DNM3: variants seen among roughly 807,000 people sequenced by gnomAD.
DNM3 encodes dynamin 3, also known as dynamin-3.
DNM3 carries 47 observed loss-of-function variants against 101.6 expected under a neutral mutation model. The ratio of observed to expected loss-of-function variants is 0.46; its 90% CI spans 0.37 to 0.59. The LOEUF (loss-of-function observed/expected upper bound fraction) is 0.59, where lower values mean the gene tolerates loss of function less well. Among genes scored for constraint, DNM3 ranks in the 20% least tolerant of loss-of-function variants. The pLI is 0.00. For missense variants in DNM3, 849 were observed against 1,085.7 expected, an observed-to-expected ratio of 0.78 and a Z score of 3.06; for synonymous variants, 385 against 387.9, an observed-to-expected ratio of 0.99 and a Z score of 0.09.
intron 14 of DNM3, chr1:172,144,824 G>C: frequency 1.2e-5 from 4 of 328,646 alleles, no homozygotes; most frequent in Non-Finnish European, 2.4e-5. Context: ...ATGAATTTAG[G>C]ACCAGGAAAA....
At position 172,153,315 on chromosome 1, in the gene DNM3, G is replaced by A. The variant is rs373399785; in HGVS notation, c.1659+22027G>A. Among the ~76,000 whole-genome samples, 310 of 152,228 alleles carry A rather than the reference G, an allele frequency of 2.0e-3. 1 individual carries two copies. The highest frequency in any genetic ancestry group is 7.2e-3 in the African/African-American group (297 of 41,538). ...GAGGATTGCCATGGCAATGCCTTAG[G>A]GAAAGTGGTTATGGTGTTGTAGCAA... On this transcript the variant is annotated intron_variant, in intron 14 of 20. Coordinates refer to ENST00000627582, the MANE Select transcript of DNM3 (RefSeq NM_015569.5).
intron 2 of DNM3, among the ~76,000 whole-genome samples, chr1:171,940,279 A>G (rs908557661): frequency 2.6e-5 from 4 of 152,168 alleles, no homozygotes; most frequent in African/African-American, 7.2e-5. Context: ...TTATTTTCCC[A>G]AAGTGTATTT....
intron 13 of DNM3, among the ~76,000 whole-genome samples, chr1:172,127,220 C>T (rs768813089): frequency 9.9e-5 from 15 of 151,924 alleles, no homozygotes; most frequent in Non-Finnish European, 1.8e-4. Flanking sequence ...CTGCTCCTCA[C>T]GAAGGACTTA....
intron 15 of DNM3, among the ~76,000 whole-genome samples, chr1:172,301,954 C>T (rs2064473566): frequency 6.6e-6 from 1 of 152,174 alleles, no homozygotes; most frequent in African/African-American, 2.4e-5. Flanking sequence ...CTGCAGCTCC[C>T]AGCGTGATCT....
At chr1:171,974,866 C>CTTTTTTTTTT (rs202081677) in intron 2 of DNM3, among the ~76,000 whole-genome samples, 3 of 149,494 alleles carry the variant, frequency 2.0e-5, no homozygotes, top group African/African-American at 7.4e-5. Context: ...TCTTCTTCTA[C>CTTTTTTTTTT]TGTTTTTTTT....
At chr1:172,343,851 C>T (rs2148965248) in intron 17 of DNM3, among the ~76,000 whole-genome samples, 1 of 152,286 alleles carries the variant, frequency 6.6e-6, no homozygotes, top group South Asian at 2.1e-4. Flanking sequence ...AACGGCTCAA[C>T]CAAACAGATA....
rs76449611 is a variant in DNM3 at position 172,020,089 on chromosome 1, A to G, written c.590-12313A>G. On this transcript the variant is annotated intron_variant, in intron 4 of 20. Coordinates refer to ENST00000627582, the MANE Select transcript of DNM3 (RefSeq NM_015569.5). Reference sequence around the variant, plus strand: ...CTGGGTGCTATATGATGTACTGGGTACAAGGCATTGTGGTTACTAAGCTAT... The same window carrying G: ...CTGGGTGCTATATGATGTACTGGGTGCAAGGCATTGTGGTTACTAAGCTAT... Among the ~76,000 whole-genome samples the G allele has an allele frequency of 6.2e-3, 947 of 152,162 alleles. 10 individuals are homozygous for G. The highest frequency in any genetic ancestry group is 6.6e-3 in the Non-Finnish European group (448 of 68,000).
At chr1:172,094,789 T>C (rs2054137692) in intron 13 of DNM3, among the ~76,000 whole-genome samples, 1 of 152,192 alleles carries the variant, frequency 6.6e-6, no homozygotes. Context: ...TTGGGAAAAT[T>C]AGAAGCTATG....
At chr1:171,907,493 G>GA (rs760340537) in intron 1 of DNM3, among the ~76,000 whole-genome samples, 3,021 of 130,686 alleles carry the variant, frequency 0.023, 91 homozygotes, top group African/African-American at 0.074. Context: ...CTCCGTCACA[G>GA]AAAAAAAAAA....
chr1:172,160,549 G>A (rs2058510771), intron 14 of DNM3, among the ~76,000 whole-genome samples: 1 of 151,586 alleles, frequency 6.6e-6, no homozygotes, highest in African/African-American at 2.4e-5. Context: ...TTCACATCTT[G>A]TCTTACTGGA....
intron 2 of DNM3, among the ~76,000 whole-genome samples, chr1:171,947,702 A>G (rs951960986): frequency 4.6e-5 from 7 of 152,074 alleles, no homozygotes; most frequent in Non-Finnish European, 1.0e-4. Flanking sequence ...CCATTTCTAT[A>G]TGTTTTTACT....
chr1:171,857,953 G>A (rs1216852283), intron 1 of DNM3, among the ~76,000 whole-genome samples: 1 of 152,166 alleles, frequency 6.6e-6, no homozygotes, highest in Non-Finnish European at 1.5e-5. Flanking sequence ...AAGAGGCCAT[G>A]TGGATACAGA....
At chr1:171,949,210 C>G (rs555104613) in intron 2 of DNM3, among the ~76,000 whole-genome samples, 2 of 152,210 alleles carry the variant, frequency 1.3e-5, no homozygotes, top group Admixed American at 6.5e-5. Context: ...ATACCTACTT[C>G]TAGTTTAAGC....
intron 14 of DNM3, among the ~76,000 whole-genome samples, chr1:172,243,519 T>C (rs2061825072): frequency 6.6e-6 from 1 of 152,110 alleles, no homozygotes; most frequent in Non-Finnish European, 1.5e-5. Flanking sequence ...GCTGGGGTAA[T>C]GTCAAGTGTG....
chr1:172,141,825 C>T (rs1311245494), intron 14 of DNM3, among the ~76,000 whole-genome samples: 1 of 152,028 alleles, frequency 6.6e-6, no homozygotes, highest in Non-Finnish European at 1.5e-5. Context: ...AAACTTTGTC[C>T]TATAGTAAAC....
At chr1:172,294,680 A>G (rs537180861) in intron 15 of DNM3, among the ~76,000 whole-genome samples, 1 of 152,306 alleles carries the variant, frequency 6.6e-6, no homozygotes. Context: ...TGGAAGGCCA[A>G]CACAGGAGGA....
chr1:172,093,301 C>T (rs771417966), intron 13 of DNM3, among the ~76,000 whole-genome samples: 3 of 152,120 alleles, frequency 2.0e-5, no homozygotes, highest in South Asian at 2.1e-4. Context: ...TCATGAAGAA[C>T]GCAGTTGTTG....
intron 2 of DNM3, among the ~76,000 whole-genome samples, chr1:171,942,201 ATTTTTT>A (rs71561599): frequency 5.8e-5 from 6 of 103,580 alleles, no homozygotes; most frequent in Admixed American, 4.6e-4. Context: ...TGCTCACTTG[ATTTTTT>A]TTTTTTTTTT....
intron 4 of DNM3, among the ~76,000 whole-genome samples, chr1:172,023,307 T>G (rs1281091681): frequency 6.6e-6 from 1 of 152,104 alleles, no homozygotes; most frequent in Non-Finnish European, 1.5e-5. Context: ...ATTAGTTTGC[T>G]CCCTTGTTTT....
Sources: allele counts gnomAD v4.1 joint callset (sites outside exome capture counted in the v4.1 genomes callset), GRCh38; gene constraint gnomAD v4.1.1; transcripts MANE v1.5; gene names NCBI Gene and HGNC (gene_info 2026-07-23, HGNC 2026-07-21).